SCP2: variants seen among roughly 807,000 people sequenced by gnomAD.
SCP2 encodes the protein SCP-2/3-oxoacyl-CoA thiolase.
Under a neutral mutation model 71.4 loss-of-function variants are expected in SCP2, and 48 were observed. The observed-to-expected ratio is 0.67, with a 90% CI of 0.53 to 0.86. The LOEUF (loss-of-function observed/expected upper bound fraction) is 0.86, where lower values mean the gene tolerates loss of function less well. SCP2 is among the 40% of genes least tolerant of loss of function. SCP2 has a pLI of 0.00. For missense variants in SCP2, 560 were observed against 655.6 expected, an observed-to-expected ratio of 0.85 and a Z score of 1.59; for synonymous variants, 220 against 218.1, an observed-to-expected ratio of 1.01 and a Z score of -0.08.
At chr1:52,963,286 C>T (rs540959403) in intron 6 of SCP2, among the ~76,000 whole-genome samples, 21 of 152,138 alleles carry the variant, frequency 1.4e-4, no homozygotes, top group African/African-American at 4.3e-4. Context: ...ATAAACTCCA[C>T]GAAAGCAGGT....
intron 6 of SCP2, among the ~76,000 whole-genome samples, chr1:52,970,824 C>A (rs904314689): frequency 3.5e-4 from 52 of 150,634 alleles, no homozygotes; most frequent in African/African-American, 1.2e-3. Context: ...TATATTTTTT[C>A]TTTTCTTTTT....
intron 12 of SCP2, among the ~76,000 whole-genome samples, chr1:53,020,901 C>T (rs75177738): frequency 0.14 from 20,880 of 152,060 alleles, 2,041 homozygotes; most frequent in East Asian, 0.32. Flanking sequence ...ACTGTACGAC[C>T]GTCTCCAGTC....
At chr1:52,976,864 G>A (rs895328108) in intron 8 of SCP2, 95 bp downstream of exon 8, 8 of 745,602 alleles carry the variant, frequency 1.1e-5, no homozygotes, top group Admixed American at 5.9e-5. Context: ...GCATCTGGGC[G>A]GAGCTTTCAC....
chr1:53,051,413 TATA>T lies in SCP2; in HGVS notation c.*712_*714del, dbSNP rs1396365147. On this transcript the variant is annotated 3_prime_UTR_variant, in exon 16 of 16. Coordinates refer to ENST00000371514, the MANE Select transcript of SCP2 (RefSeq NM_002979.5). ...TTGCTTTCAGATGCAGTTTTCAAATTATAATCTCATTTCAATTTATAACGTTCT... is the reference window on the plus strand; with the variant it reads ...TTGCTTTCAGATGCAGTTTTCAAATTATCTCATTTCAATTTATAACGTTCT... The T allele has an allele frequency of 2.0e-5, 3 of 152,332 alleles. No individual in the cohort carries two copies. The highest frequency in any genetic ancestry group is 2.1e-4 in the South Asian group (1 of 4,832). 9.4% of individuals were successfully genotyped at this position (152,332 alleles called of 1,614,324 possible). A position where few individuals can be genotyped will look rare whatever the true frequency, so the allele number is the denominator to read the frequency against.
chr1:52,940,837 G>C (rs1302751813), intron 1 of SCP2, among the ~76,000 whole-genome samples: 1 of 149,788 alleles, frequency 6.7e-6, no homozygotes, highest in Non-Finnish European at 1.5e-5. Context: ...TGCAACCTCT[G>C]CCTCCTGGTT....
At chr1:52,987,006 A>ATATATATTTTTTTT (rs1386745740) in intron 10 of SCP2, among the ~76,000 whole-genome samples, 34 of 110,474 alleles carry the variant, frequency 3.1e-4, no homozygotes, top group African/African-American at 1.4e-3. Flanking sequence ...ATATATATAT[A>ATATATATTTTTTTT]TTTTTTTTTT....
At chr1:52,937,238 CA>C (rs1653825739) in intron 1 of SCP2, among the ~76,000 whole-genome samples, 1 of 152,106 alleles carries the variant, frequency 6.6e-6, no homozygotes, top group Non-Finnish European at 1.5e-5. Flanking sequence ...CAGTTTCTAA[CA>C]AGAAATATCT....
chr1:52,980,383 GT>G lies in SCP2; in HGVS notation c.826-9del. The G allele has an allele frequency of 6.2e-7, 1 of 1,613,074 alleles. No individual in the cohort carries two copies. The highest frequency in any genetic ancestry group is 8.5e-7 in the Non-Finnish European group (1 of 1,179,572). ...TTTTGGTGCCCTTTATTTATATATG[GT>G]TTTGGTTTTAGGTTGGCTTTGATAT... is the stretch of plus-strand genomic sequence containing the variant. On this transcript the variant is annotated splice_polypyrimidine_tract_variant and intron_variant, in intron 9 of 15. Coordinates refer to ENST00000371514, the MANE Select transcript of SCP2 (RefSeq NM_002979.5).
intron 6 of SCP2, among the ~76,000 whole-genome samples, chr1:52,972,227 T>G (rs1008301878): frequency 6.6e-6 from 1 of 152,202 alleles, no homozygotes; most frequent in African/African-American, 2.4e-5. Flanking sequence ...GAGTTTGTGG[T>G]TTCATAATTA....
At chr1:52,957,154 C>T (rs1332210564) in intron 5 of SCP2, among the ~76,000 whole-genome samples, 2 of 152,146 alleles carry the variant, frequency 1.3e-5, no homozygotes, top group Non-Finnish European at 2.9e-5. Context: ...GTGATCTACC[C>T]ACCTCGGCCT....
intron 5 of SCP2, among the ~76,000 whole-genome samples, chr1:52,959,082 T>C (rs1287543555): frequency 6.6e-6 from 1 of 152,200 alleles, no homozygotes; most frequent in Admixed American, 6.5e-5. Context: ...TGTTCTCCTC[T>C]CTTCTGTTTT....
intron 13 of SCP2, among the ~76,000 whole-genome samples, chr1:53,029,976 C>T (rs1021088721): frequency 6.6e-6 from 1 of 152,094 alleles, no homozygotes; most frequent in Non-Finnish European, 1.5e-5. Flanking sequence ...GCAACCTCCA[C>T]CTCCCGGGTT....
chr1:52,980,268 C>T (rs991811850), intron 9 of SCP2, 128 bp from the exon 10 acceptor site: 2 of 887,604 alleles, frequency 2.3e-6, no homozygotes, highest in African/African-American at 3.4e-5. Context: ...GCCAATGCAC[C>T]TGGGCAAAAA....
chr1:53,011,430 C>A (rs1457035723), intron 11 of SCP2, among the ~76,000 whole-genome samples: 1 of 152,136 alleles, frequency 6.6e-6, no homozygotes, highest in African/African-American at 2.4e-5. Flanking sequence ...CCTCTGTTAT[C>A]TTTAACATTT....
chr1:53,020,621 T>C (rs1661649036), intron 12 of SCP2, among the ~76,000 whole-genome samples: 1 of 152,160 alleles, frequency 6.6e-6, no homozygotes, highest in African/African-American at 2.4e-5. Context: ...TATTTATTAA[T>C]TATAAATATT....
chr1:53,020,509 G>A (rs545718198), intron 12 of SCP2, among the ~76,000 whole-genome samples: 5 of 152,172 alleles, frequency 3.3e-5, no homozygotes, highest in Non-Finnish European at 7.4e-5. Context: ...ATGTTGCCCA[G>A]GCTGGTCTCA....
intron 8 of SCP2, among the ~76,000 whole-genome samples, chr1:52,977,379 CAGA>C (rs2150168347): frequency 1.3e-5 from 2 of 152,284 alleles, no homozygotes; most frequent in African/African-American, 4.8e-5. Context: ...ACTGAACTCC[CAGA>C]AGACTTCTTG....
chr1:52,991,384 T>C (rs1431827637), intron 11 of SCP2, among the ~76,000 whole-genome samples: 1 of 151,492 alleles, frequency 6.6e-6, no homozygotes, highest in African/African-American at 2.4e-5. Context: ...AATAAACCTC[T>C]TGTTTTTTTT....
At chr1:53,015,964 T>C (rs1661309538) in intron 12 of SCP2, among the ~76,000 whole-genome samples, 1 of 152,222 alleles carries the variant, frequency 6.6e-6, no homozygotes. Context: ...CTTTTTTCTT[T>C]TGAAATTCTT....
Sources: allele counts gnomAD v4.1 joint callset (sites outside exome capture counted in the v4.1 genomes callset), GRCh38; gene constraint gnomAD v4.1.1; transcripts MANE v1.5; gene names NCBI Gene and HGNC (gene_info 2026-07-23, HGNC 2026-07-21).